CAST: variants seen among roughly 807,000 people sequenced by gnomAD.
CAST encodes the protein MIR583 host.
Under a neutral mutation model 119.6 loss-of-function variants are expected in CAST, and 76 were observed. That is an observed-to-expected ratio of 0.64 (90% CI 0.53 to 0.77). The LOEUF is 0.77. Among genes scored for constraint, CAST ranks in the 30% least tolerant of loss-of-function variants. The probability of loss-of-function intolerance (pLI) is 0.00; values close to 1 mark genes in which losing one functional copy is unlikely to be tolerated. For synonymous variants in CAST, 319 were observed against 331.6 expected (o/e 0.96, Z 0.41); for missense variants, 953 against 946.5 (o/e 1.01, Z -0.09).
rs1375299212 is a variant in CAST, at chr5:96,586,592, A to C, written c.60+56712A>C. Among the ~76,000 whole-genome samples the C allele has an allele frequency of 2.6e-5, 4 of 152,334 alleles. No homozygotes were observed. In the East Asian group the frequency reaches 7.7e-4, roughly 29 times the overall value. The stretch of plus-strand genomic sequence containing the variant: ...GAAGCAACAGTATGATGAGAAAGTT[A>C]GCTCATCAGAATAAGTTGGAAATCT... On this transcript the variant is annotated intron_variant, in intron 1 of 11. Transcript: ENST00000505143.
At chr5:96,348,341 C>T in the CAST span, among the ~76,000 whole-genome samples, 1 of 151,372 alleles carries the variant, frequency 6.6e-6, no homozygotes, top group Admixed American at 6.6e-5. Flanking sequence ...TTTGGAGAGA[C>T]ATGAATAATG....
rs1210262139 is a variant in CAST at position 96,765,300 on chromosome 5, A to C, written c.2012A>C (p.Asn671Thr). The part of the protein sequence containing the change: ...LGQRQPDPDE[N>T]KPMEDKVKEK... ...CAAAGGCAGCCTGACCCAGATGAGA[A>C]CAAACCAATGGAAGATAAAGTAAAG... Residue 671 changes from asparagine to threonine, a missense_variant, in exon 26 of 32, where the codon AAC (asparagine) becomes ACC (threonine). Asn to Thr is a moderately conservative substitution (Grantham distance 65). Transcript: ENST00000675179. 6.5e-7 allele frequency: 1 copy of C among 1,544,082 alleles called. No individual in the cohort carries two copies. Among genetic ancestry groups the C allele is most frequent in the Admixed American group, 1.7e-5 (1 of 58,422 alleles).
chr5:96,388,432 A>G, the CAST span, among the ~76,000 whole-genome samples: 4 of 152,140 alleles, frequency 2.6e-5, no homozygotes, highest in Non-Finnish European at 5.9e-5. Flanking sequence ...CTCCTGGGGC[A>G]CACTCTCCTC....
At chr5:96,637,247 A>G (rs1460376356) in intron 1 of CAST, among the ~76,000 whole-genome samples, 5 of 152,224 alleles carry the variant, frequency 3.3e-5, no homozygotes, top group African/African-American at 9.6e-5. Context: ...TAATTTTTGT[A>G]GCAACCATAT....
intron 29 of CAST, 58 bp from the exon 30 acceptor site, chr5:96,770,473 G>A (rs1022252651): frequency 9.4e-7 from 1 of 1,058,346 alleles, no homozygotes; most frequent in African/African-American, 1.6e-5. Flanking sequence ...CTGCAGCCTA[G>A]TTAATTGCTA....
the CAST span, among the ~76,000 whole-genome samples, chr5:96,086,624 C>G: frequency 1.8e-4 from 28 of 152,164 alleles, no homozygotes; most frequent in Admixed American, 9.2e-4. Context: ...AAAAACTGTC[C>G]AAAGCCCTAA....
the CAST span, among the ~76,000 whole-genome samples, chr5:96,123,993 A>G: frequency 1.3e-5 from 2 of 152,016 alleles, no homozygotes; most frequent in Non-Finnish European, 2.9e-5. Context: ...CAATTTTTGC[A>G]GTTGGTTCTG....
chr5:96,384,334 A>T, the CAST span, among the ~76,000 whole-genome samples: 1 of 152,252 alleles, frequency 6.6e-6, no homozygotes, highest in African/African-American at 2.4e-5. Context: ...TACTCTAGTG[A>T]CAAGATATAA....
chr5:96,675,938 A>G (rs1040971505), intron 2 of CAST: 2 of 195,778 alleles, frequency 1.0e-5, no homozygotes, highest in East Asian at 2.4e-4. Context: ...GTAAAAAGGA[A>G]AATCTTTTTT....
chr5:96,125,397 A>G, the CAST span, among the ~76,000 whole-genome samples: 1 of 152,166 alleles, frequency 6.6e-6, no homozygotes, highest in Non-Finnish European at 1.5e-5. Flanking sequence ...TGGAGCAGGC[A>G]TCTAAAGGTT....
chr5:96,528,301 G>A (rs867794814), upstream of CAST, among the ~76,000 whole-genome samples: 1 of 152,068 alleles, frequency 6.6e-6, no homozygotes, highest in Non-Finnish European at 1.5e-5. Flanking sequence ...GTGTCATCCT[G>A]GGCTTAGATC....
At chr5:96,739,513 C>T (rs1408319437) in intron 11 of CAST, among the ~76,000 whole-genome samples, 1 of 152,062 alleles carries the variant, frequency 6.6e-6, no homozygotes, top group African/African-American at 2.4e-5. Context: ...TAATGCTGGA[C>T]GTTGTTTATG....
chr5:96,557,447 G>C (rs914467105), intron 1 of CAST, among the ~76,000 whole-genome samples: 1 of 152,018 alleles, frequency 6.6e-6, no homozygotes, highest in African/African-American at 2.4e-5. Flanking sequence ...CCATCAGTGT[G>C]CTGTATTCAG....
At chr5:96,414,499 C>T in the CAST span, among the ~76,000 whole-genome samples, 1 of 152,254 alleles carries the variant, frequency 6.6e-6, no homozygotes, top group South Asian at 2.1e-4. Flanking sequence ...GGATACACTG[C>T]CTATAATATT....
intron 1 of CAST, among the ~76,000 whole-genome samples, chr5:96,574,805 A>G (rs1459722066): frequency 1.3e-5 from 2 of 152,126 alleles, no homozygotes; most frequent in East Asian, 3.8e-4. Context: ...TCCCACCATT[A>G]AATTGTTTTT....
the CAST span, among the ~76,000 whole-genome samples, chr5:96,362,276 C>T: frequency 1.3e-5 from 2 of 152,118 alleles, no homozygotes; most frequent in African/African-American, 2.4e-5. Context: ...CTATTGTGAA[C>T]AGTGCCGCAA....
At chr5:96,619,850 C>T (rs917780587) in intron 1 of CAST, among the ~76,000 whole-genome samples, 3 of 152,198 alleles carry the variant, frequency 2.0e-5, no homozygotes, top group African/African-American at 7.2e-5. Context: ...TCTGAAGAAA[C>T]TCCTCAGTCT....
the CAST span, among the ~76,000 whole-genome samples, chr5:96,491,816 A>G: frequency 6.6e-6 from 1 of 152,246 alleles, no homozygotes; most frequent in Non-Finnish European, 1.5e-5. Context: ...ATGGTGCACT[A>G]TATGCAATGA....
At chr5:95,970,404 A>C in the CAST span, 4 of 152,374 alleles carry the variant, frequency 2.6e-5, no homozygotes, top group East Asian at 1.9e-4. Context: ...GGGTACTGCC[A>C]GTGTAAATAA....
Sources: allele counts gnomAD v4.1 joint callset (sites outside exome capture counted in the v4.1 genomes callset), GRCh38; gene constraint gnomAD v4.1.1; transcripts MANE v1.5; gene names NCBI Gene and HGNC (gene_info 2026-07-23, HGNC 2026-07-21).